PTPRD: variants seen among roughly 807,000 people sequenced by gnomAD.
The protein encoded by PTPRD is protein tyrosine phosphatase receptor type D, also known as receptor-type tyrosine-protein phosphatase delta.
In PTPRD, 34 loss-of-function variants were observed where a neutral mutation model predicts 214.5. The ratio of observed to expected loss-of-function variants is 0.16; its 90% CI spans 0.12 to 0.21. The LOEUF is 0.21. Ranked by LOEUF, PTPRD falls within the 10% of genes least tolerant of loss-of-function variation. The probability of loss-of-function intolerance (pLI) is 1.00; values close to 1 mark genes in which losing one functional copy is unlikely to be tolerated. For missense variants in PTPRD, 2,545 were observed against 2,398.7 expected, an observed-to-expected ratio of 1.06 and a Z score of -1.27; for synonymous variants, 1,128 against 845.7, an observed-to-expected ratio of 1.33 and a Z score of -5.79.
intron 7 of PTPRD, among the ~76,000 whole-genome samples, chr9:9,708,775 T>G (rs1328488872): frequency 6.6e-6 from 1 of 152,164 alleles, no homozygotes; most frequent in East Asian, 1.9e-4. Flanking sequence ...ATACCTGGAG[T>G]TTCAAAAATA....
chr9:9,387,962 C>T (rs1444266120), intron 9 of PTPRD, among the ~76,000 whole-genome samples: 1 of 152,174 alleles, frequency 6.6e-6, no homozygotes, highest in Non-Finnish European at 1.5e-5. Flanking sequence ...TGTTAACCAG[C>T]TTAATTAGAC....
intron 5 of PTPRD, among the ~76,000 whole-genome samples, chr9:9,822,413 AAATATATAATATATACAT>A (rs1248257726): frequency 5.4e-5 from 8 of 148,460 alleles, no homozygotes; most frequent in East Asian, 1.9e-4. Flanking sequence ...CCATCTCAAA[AAATATATAATATATACAT>A]AATATATAAT....
intron 11 of PTPRD, among the ~76,000 whole-genome samples, chr9:8,900,674 C>T (rs916308921): frequency 1.3e-5 from 2 of 152,132 alleles, no homozygotes; most frequent in African/African-American, 4.8e-5. Context: ...GTATGAGTGA[C>T]ATAAGGTCTT....
chr9:8,358,903 C>T (rs968502069), intron 39 of PTPRD, among the ~76,000 whole-genome samples: 4 of 151,056 alleles, frequency 2.6e-5, no homozygotes, highest in South Asian at 2.1e-4. Flanking sequence ...GTCAGGAGAT[C>T]GAGACCATCC....
At chr9:8,831,415 C>G (rs565698891) in intron 11 of PTPRD, among the ~76,000 whole-genome samples, 1 of 151,686 alleles carries the variant, frequency 6.6e-6, no homozygotes, top group African/African-American at 2.4e-5. Flanking sequence ...ATTAGGAGAC[C>G]GGACTACACA....
At chr9:8,536,532 T>C (rs1031047938) in intron 14 of PTPRD, among the ~76,000 whole-genome samples, 17 of 151,998 alleles carry the variant, frequency 1.1e-4, no homozygotes, top group African/African-American at 4.1e-4. Flanking sequence ...AATTCTGCCA[T>C]GTCTGTTAGC....
intron 2 of PTPRD, among the ~76,000 whole-genome samples, chr9:10,576,052 G>T (rs1306139511): frequency 1.3e-5 from 2 of 152,092 alleles, no homozygotes; most frequent in Non-Finnish European, 2.9e-5. Context: ...TCACAGGCAG[G>T]CCTGTTGGAG....
At chr9:9,425,413 ATATAATAT>A (rs2080454978) in intron 8 of PTPRD, among the ~76,000 whole-genome samples, 6 of 49,952 alleles carry the variant, frequency 1.2e-4, no homozygotes, top group South Asian at 5.7e-4. Context: ...AATATAAAAT[ATATAATAT>A]TATAATATCT....
intron 11 of PTPRD, among the ~76,000 whole-genome samples, chr9:8,800,739 A>C (rs1415973096): frequency 2.6e-5 from 4 of 152,112 alleles, no homozygotes; most frequent in Admixed American, 2.6e-4. Flanking sequence ...TCTCCTAATA[A>C]ACTCACTTTC....
chr9:9,064,410 T>C (rs901470239), intron 10 of PTPRD, among the ~76,000 whole-genome samples: 1 of 152,152 alleles, frequency 6.6e-6, no homozygotes, highest in Non-Finnish European at 1.5e-5. Flanking sequence ...AGAGAAATCA[T>C]TGTCCCATGA....
At chr9:9,564,895 T>TTTGTTTG (rs1569569318) in intron 8 of PTPRD, among the ~76,000 whole-genome samples, 1 of 135,330 alleles carries the variant, frequency 7.4e-6, no homozygotes, top group African/African-American at 2.9e-5. Context: ...TTTTTTTTTT[T>TTTGTTTG]TTTTTTTTTT....
intron 2 of PTPRD, among the ~76,000 whole-genome samples, chr9:10,581,749 G>A (rs1591415522): frequency 6.6e-6 from 1 of 152,036 alleles, no homozygotes; most frequent in African/African-American, 2.4e-5. Flanking sequence ...AGCAGTTTAG[G>A]TCATTTCTGA....
intron 11 of PTPRD, among the ~76,000 whole-genome samples, chr9:8,884,029 C>T (rs1176381026): frequency 6.6e-6 from 1 of 152,150 alleles, no homozygotes; most frequent in East Asian, 1.9e-4. Flanking sequence ...CATTTATTTT[C>T]CATAATTCTT....
chr9:9,077,802 GA>G (rs992659098), intron 10 of PTPRD, among the ~76,000 whole-genome samples: 39 of 152,004 alleles, frequency 2.6e-4, no homozygotes, highest in African/African-American at 8.9e-4. Context: ...TTGGAAATGT[GA>G]AAGGGAATGA....
intron 2 of PTPRD, among the ~76,000 whole-genome samples, chr9:10,416,513 T>G (rs12001880): frequency 0.099 from 14,985 of 151,784 alleles, 1,096 homozygotes; most frequent in East Asian, 0.39. Context: ...AGTAGAGATT[T>G]CACTGGGAAA....
At chr9:9,903,105 G>A (rs1042859689) in intron 5 of PTPRD, among the ~76,000 whole-genome samples, 134 of 152,202 alleles carry the variant, frequency 8.8e-4, no homozygotes, top group African/African-American at 3.1e-3. Flanking sequence ...CCTGTAGCAT[G>A]AAATAAGTAA....
At chr9:9,700,816 C>A (rs952575688) in intron 7 of PTPRD, among the ~76,000 whole-genome samples, 2 of 151,996 alleles carry the variant, frequency 1.3e-5, no homozygotes, top group Non-Finnish European at 2.9e-5. Flanking sequence ...AGATTTCAGG[C>A]AGATCCTAAG....
At chr9:9,032,348 C>T (rs1291580101) in intron 10 of PTPRD, among the ~76,000 whole-genome samples, 1 of 152,088 alleles carries the variant, frequency 6.6e-6, no homozygotes, top group Non-Finnish European at 1.5e-5. Context: ...GCTCTCAGCA[C>T]TGACACCAGC....
intron 35 of PTPRD, among the ~76,000 whole-genome samples, chr9:8,411,250 T>G (rs778498713): frequency 6.6e-6 from 1 of 152,044 alleles, no homozygotes; most frequent in African/African-American, 2.4e-5. Context: ...GATTAAAGAT[T>G]TAAATAACTA....
Sources: gnomAD v4.1 joint callset for allele counts (sites outside exome capture counted in the v4.1 genomes callset) on GRCh38, gnomAD v4.1.1 for gene constraint, MANE v1.5 for transcripts, NCBI Gene and HGNC (gene_info 2026-07-23, HGNC 2026-07-21) for gene names.